MAGI1: variants seen among roughly 807,000 people sequenced by gnomAD.
MAGI1 encodes the protein membrane-associated guanylate kinase, WW and PDZ domain-containing protein 1.
Under a neutral mutation model 139.9 loss-of-function variants are expected in MAGI1, and 58 were observed. The observed-to-expected ratio is 0.41, with a 90% CI of 0.34 to 0.52. The LOEUF (loss-of-function observed/expected upper bound fraction) is 0.52. MAGI1 is among the 20% of genes least tolerant of loss of function. The pLI is 0.12. For synonymous variants in MAGI1, 812 were observed against 737.9 expected, an observed-to-expected ratio of 1.10 and a Z score of -1.63; for missense variants, 1,874 against 1,901.6, an observed-to-expected ratio of 0.99 and a Z score of 0.27.
chr3:65,629,276 C>T (rs1441796464), intron 1 of MAGI1, among the ~76,000 whole-genome samples: 2 of 152,020 alleles, frequency 1.3e-5, no homozygotes, highest in Non-Finnish European at 2.9e-5. Context: ...CATCTGTGAC[C>T]GAGAGGGCAG....
chr3:65,954,494 G>A (rs1041353222), intron 1 of MAGI1: 1 of 152,622 alleles, frequency 6.6e-6, no homozygotes, highest in African/African-American at 2.4e-5. Flanking sequence ...GGCGGATCCG[G>A]AAACAGGCAA....
chr3:65,885,862 T>C (rs1039224151), intron 1 of MAGI1, among the ~76,000 whole-genome samples: 2 of 152,216 alleles, frequency 1.3e-5, no homozygotes, highest in African/African-American at 4.8e-5. Context: ...GAAATGGTTA[T>C]AATTTATACA....
intron 1 of MAGI1, among the ~76,000 whole-genome samples, chr3:65,731,512 G>A (rs904415035): frequency 3.3e-4 from 49 of 150,146 alleles, no homozygotes; most frequent in African/African-American, 1.2e-3. Context: ...AAAATTAGCT[G>A]AGCATGGTGG....
chr3:65,686,066 G>C (rs577196802), intron 1 of MAGI1, among the ~76,000 whole-genome samples: 1 of 152,288 alleles, frequency 6.6e-6, no homozygotes, highest in African/African-American at 2.4e-5. Context: ...CCTCCGGCAA[G>C]ACTGTACGGC....
chr3:65,657,590 C>G (rs535670934), intron 1 of MAGI1, among the ~76,000 whole-genome samples: 5 of 152,278 alleles, frequency 3.3e-5, no homozygotes, highest in South Asian at 2.1e-4. Context: ...GAACACCACT[C>G]TCTGTTAAAG....
chr3:65,861,948 C>T (rs9823209), intron 1 of MAGI1, among the ~76,000 whole-genome samples: 40,633 of 152,042 alleles, frequency 0.27, 5,897 homozygotes, highest in African/African-American at 0.33. Flanking sequence ...CTGGAACAAC[C>T]GGTAAGACCT....
chr3:65,548,838 A>C (rs2079655527), intron 2 of MAGI1, among the ~76,000 whole-genome samples: 1 of 152,106 alleles, frequency 6.6e-6, no homozygotes, highest in African/African-American at 2.4e-5. Context: ...CAACACTCTT[A>C]AGCTCAAAAT....
intron 1 of MAGI1, among the ~76,000 whole-genome samples, chr3:65,809,696 G>A (rs906955221): frequency 6.6e-6 from 1 of 152,178 alleles, no homozygotes; most frequent in Non-Finnish European, 1.5e-5. Flanking sequence ...CAGGGAGAAG[G>A]TCAGTTGCCC....
rs1286078520 is a variant in MAGI1 at position 65,430,691 on chromosome 3, G to A, written c.1546+8C>T. On this transcript the variant is annotated splice_region_variant and intron_variant, in intron 11 of 22. Transcript: ENST00000402939. ...ACACAGAACACACTAAGGCCATGTT[G>A]ACGCTACCTGTTTCCATCTTGCCAT... The A allele has an allele frequency of 1.2e-6, 2 of 1,612,492 alleles. No individual in the cohort carries two copies. Among genetic ancestry groups the A allele is most frequent in the Middle Eastern group, 1.7e-4 (1 of 6,042 alleles).
At chr3:65,632,719 G>C (rs751401932) in intron 1 of MAGI1, among the ~76,000 whole-genome samples, 1 of 152,204 alleles carries the variant, frequency 6.6e-6, no homozygotes, top group Non-Finnish European at 1.5e-5. Flanking sequence ...CCATTGACAA[G>C]ATGTACATGA....
intron 14 of MAGI1, among the ~76,000 whole-genome samples, chr3:65,386,090 T>G (rs1438713007): frequency 6.6e-6 from 1 of 152,140 alleles, no homozygotes; most frequent in Non-Finnish European, 1.5e-5. Context: ...AGACCCATTT[T>G]TCTCAGCATC....
At chr3:65,423,636 C>A (rs1332521763) in intron 12 of MAGI1, among the ~76,000 whole-genome samples, 1 of 152,214 alleles carries the variant, frequency 6.6e-6, no homozygotes, top group Non-Finnish European at 1.5e-5. Context: ...GGCTTTTGGG[C>A]AGAGTGTTTA....
chr3:65,608,384 G>A (rs973319198), intron 2 of MAGI1, among the ~76,000 whole-genome samples: 4 of 151,952 alleles, frequency 2.6e-5, no homozygotes, highest in Admixed American at 2.6e-4. Context: ...GCAGTAAGCC[G>A]AGATTGCGCC....
At chr3:65,609,937 T>C (rs1175037013) in intron 2 of MAGI1, 1 of 15,990 alleles carries the variant, frequency 6.3e-5, no homozygotes, top group African/African-American at 2.5e-4. Context: ...CAAGCAATTG[T>C]TCACAATCGT....
chr3:65,655,696 TAGAA>T (rs920243676), intron 1 of MAGI1, among the ~76,000 whole-genome samples: 2 of 152,172 alleles, frequency 1.3e-5, no homozygotes, highest in African/African-American at 4.8e-5. Flanking sequence ...TCAGACAGAA[TAGAA>T]ATGGAAGCAC....
intron 1 of MAGI1, among the ~76,000 whole-genome samples, chr3:65,654,063 A>C (rs2085732322): frequency 1.3e-5 from 2 of 152,184 alleles, no homozygotes; most frequent in Non-Finnish European, 2.9e-5. Context: ...CAATACTTTC[A>C]TGTATGTTCC....
chr3:65,448,742 G>A (rs1396060810), intron 6 of MAGI1, among the ~76,000 whole-genome samples: 3 of 151,220 alleles, frequency 2.0e-5, no homozygotes, highest in African/African-American at 7.3e-5. Flanking sequence ...TCTAAGTCAA[G>A]GAGCTCAGAA....
intron 2 of MAGI1, among the ~76,000 whole-genome samples, chr3:65,528,106 T>C (rs2078474487): frequency 6.6e-6 from 1 of 152,078 alleles, no homozygotes; most frequent in Admixed American, 6.6e-5. Context: ...CTTTTTAATT[T>C]CTCCTTGCTC....
chr3:65,826,916 T>C (rs1272590929), intron 1 of MAGI1, among the ~76,000 whole-genome samples: 7 of 152,228 alleles, frequency 4.6e-5, no homozygotes, highest in Non-Finnish European at 4.4e-5. Context: ...TCCATTCTAA[T>C]AGCACTGCTC....
Sources: allele counts gnomAD v4.1 joint callset (sites outside exome capture counted in the v4.1 genomes callset), GRCh38; gene constraint gnomAD v4.1.1; transcripts MANE v1.5; gene names NCBI Gene and HGNC (gene_info 2026-07-23, HGNC 2026-07-21).